Variants in KDM5A observed in about 807,000 individuals in gnomAD.
KDM5A encodes the protein lysine demethylase 5A, also known as lysine-specific demethylase 5A.
Under a neutral mutation model 193.5 loss-of-function variants are expected in KDM5A, and 42 were observed. The ratio of observed to expected loss-of-function variants is 0.22; its 90% CI spans 0.17 to 0.28. The LOEUF is 0.28. Ranked by LOEUF, KDM5A falls within the 10% of genes least tolerant of loss-of-function variation. KDM5A has a pLI of 1.00. For missense variants in KDM5A, 1,692 were observed against 2,055.1 expected (o/e 0.82, Z 3.42); for synonymous variants, 796 against 718.1 (o/e 1.11, Z -1.73).
intron 10 of KDM5A, among the ~76,000 whole-genome samples, chr12:338,331 T>A (rs7298019): frequency 0.21 from 32,191 of 152,182 alleles, 3,637 homozygotes; most frequent in South Asian, 0.3. Context: ...AGGGTGCCCA[T>A]GTCACTAGGC....
chr12:388,685 G>C (rs532945673), intron 1 of KDM5A, among the ~76,000 whole-genome samples: 1 of 152,178 alleles, frequency 6.6e-6, no homozygotes, highest in South Asian at 2.1e-4. Context: ...ACGGCTGAGA[G>C]AAAAGTATCA....
intron 27 of KDM5A, among the ~76,000 whole-genome samples, chr12:289,907 CTTTTTTTTTTT>C (rs750918968): frequency 9.0e-5 from 9 of 99,658 alleles, no homozygotes; most frequent in African/African-American, 3.8e-4. Flanking sequence ...TTCTTTCTTT[CTTTTTTTTTTT>C]TTTTTTTTTT....
intron 3 of KDM5A, among the ~76,000 whole-genome samples, chr12:371,441 C>T (rs1366958847): frequency 6.7e-6 from 1 of 149,872 alleles, no homozygotes; most frequent in African/African-American, 2.5e-5. Context: ...ATATCCTTTG[C>T]CCACTTTATG....
At chr12:301,723 C>A (rs955040415) in intron 24 of KDM5A, among the ~76,000 whole-genome samples, 3 of 152,176 alleles carry the variant, frequency 2.0e-5, no homozygotes, top group African/African-American at 7.2e-5. Flanking sequence ...CAAATAGGAA[C>A]AGAGGAAGTC....
intron 15 of KDM5A, 108 bp from the exon 16 acceptor site, chr12:323,314 A>G: frequency 7.6e-7 from 1 of 1,313,500 alleles, no homozygotes; most frequent in Non-Finnish European, 1.0e-6. Flanking sequence ...GCTTAAGGAA[A>G]ATACAATGGC....
rs1236895111 is a variant in KDM5A at position 284,094 on chromosome 12, A to T, written c.*1362T>A. The T allele has an allele frequency of 2.1e-5, 5 of 232,660 alleles. No homozygotes were observed. The highest frequency in any genetic ancestry group is 1.1e-4 in the African/African-American group (5 of 45,416). 14.4% of individuals were successfully genotyped at this position (232,660 alleles called of 1,614,324 possible). On this transcript the variant is annotated 3_prime_UTR_variant, in exon 28 of 28. Coordinates refer to ENST00000399788, the MANE Select transcript of KDM5A (RefSeq NM_001042603.3). ...CTGGTCAGGCTGGGATGGAGGAGGGAGTGCTAACTCCTTGTACTACAAAGA... is the reference window on the plus strand; with the variant it reads ...CTGGTCAGGCTGGGATGGAGGAGGGTGTGCTAACTCCTTGTACTACAAAGA...
intron 1 of KDM5A, chr12:387,276 T>C (rs1345284666): frequency 1.1e-5 from 4 of 372,124 alleles, no homozygotes; most frequent in South Asian, 2.0e-5. Flanking sequence ...CTGCCAAAAC[T>C]AAAATTAAAT....
intron 26 of KDM5A, among the ~76,000 whole-genome samples, chr12:293,621 A>T (rs1943329419): frequency 6.6e-6 from 1 of 152,014 alleles, no homozygotes; most frequent in Non-Finnish European, 1.5e-5. Flanking sequence ...TCTACTAAAA[A>T]TACAAAAATT....
chr12:310,513 A>T (rs1429673396), intron 21 of KDM5A, among the ~76,000 whole-genome samples: 1 of 152,172 alleles, frequency 6.6e-6, no homozygotes, highest in Non-Finnish European at 1.5e-5. Context: ...GCATGCCTGT[A>T]GTCCCAGACA....
chr12:284,621 C>T lies in KDM5A; in HGVS notation c.*835G>A. 4.3e-6 allele frequency: 1 copy of T among 230,946 alleles called. No homozygotes were observed. The highest frequency in any genetic ancestry group is 8.6e-6 in the Non-Finnish European group (1 of 116,342). The allele number at this position is 230,946 out of a possible 1,614,324, so 14.3% of individuals were successfully genotyped here. On this transcript the variant is annotated 3_prime_UTR_variant, in exon 28 of 28. Coordinates refer to ENST00000399788, the MANE Select transcript of KDM5A (RefSeq NM_001042603.3). ...TCAGTAAGATAGTACGACTGGTCAT[C>T]ATCGTCATCTTCTTCTCTTTTTTTT... is the stretch of plus-strand genomic sequence containing the variant.
intron 10 of KDM5A, among the ~76,000 whole-genome samples, chr12:346,424 T>C (rs868535358): frequency 2.5e-4 from 38 of 152,102 alleles, no homozygotes; most frequent in Admixed American, 6.6e-5. Context: ...GAGGCCAACA[T>C]CATCCTGATA....
rs537182787 is a variant in KDM5A at position 344,354 on chromosome 12, C to T, written c.1308+6267G>A. Among the ~76,000 whole-genome samples the T allele has an allele frequency of 1.1e-4, 16 of 152,278 alleles. No homozygotes were observed. In the South Asian group the frequency reaches 3.3e-3, roughly 32 times the overall value. ...TGGAAAACACTCTTCAGGATATTAT[C>T]CAGGAGAACTTCCCCAACCTAGCAA... On this transcript the variant is annotated intron_variant, in intron 10 of 27. Coordinates refer to ENST00000399788, the MANE Select transcript of KDM5A (RefSeq NM_001042603.3).
chr12:361,951 G>T (rs1207206397), intron 5 of KDM5A, among the ~76,000 whole-genome samples: 1 of 152,174 alleles, frequency 6.6e-6, no homozygotes, highest in African/African-American at 2.4e-5. Flanking sequence ...AAAGCAAGAT[G>T]AAGTATTAAT....
rs969929371 is a variant in KDM5A, at chr12:389,316, C to A, written c.-225G>T. 42 of 670,068 alleles carry A rather than the reference C, an allele frequency of 6.3e-5. No homozygotes were observed. Among genetic ancestry groups the A allele is most frequent in the Non-Finnish European group, 1.1e-4 (39 of 366,892 alleles). The allele number at this position is 670,068 out of a possible 1,614,324, so 41.5% of individuals were successfully genotyped here. A position where few individuals can be genotyped will look rare whatever the true frequency, so the allele number is the denominator to read the frequency against. ...CAGGACTTTTCCGGAAGTTACCGTG[C>A]TGTCAAATCCCTCCGCCCCCTGCAG... On this transcript the variant is annotated 5_prime_UTR_variant, in exon 1 of 28. Coordinates refer to ENST00000399788, the MANE Select transcript of KDM5A (RefSeq NM_001042603.3).
intron 5 of KDM5A, among the ~76,000 whole-genome samples, chr12:361,418 TCTC>T (rs1374040012): frequency 6.6e-6 from 1 of 152,074 alleles, no homozygotes; most frequent in African/African-American, 2.4e-5. Context: ...ATGGTCTTGA[TCTC>T]CTGAACTCGT....
intron 3 of KDM5A, among the ~76,000 whole-genome samples, chr12:370,603 AAC>A (rs1944413948): frequency 8.8e-6 from 1 of 113,892 alleles, no homozygotes; most frequent in South Asian, 3.0e-4. Flanking sequence ...AACAGCTGGG[AAC>A]AGAGACTTTT....
chr12:366,333 T>C (rs563164685), intron 3 of KDM5A, among the ~76,000 whole-genome samples: 12 of 152,092 alleles, frequency 7.9e-5, no homozygotes, highest in Non-Finnish European at 1.6e-4. Flanking sequence ...AAACCAAGCA[T>C]TCAAAAATAT....
chr12:297,329 C>G (rs1943386301), intron 24 of KDM5A, 129 bp from the exon 25 acceptor site: 1 of 800,620 alleles, frequency 1.2e-6, no homozygotes, highest in African/African-American at 1.7e-5. Context: ...AATTAAATAT[C>G]TGATGTTAAA....
At chr12:336,660 G>A (rs1432422888) in intron 10 of KDM5A, among the ~76,000 whole-genome samples, 5 of 151,964 alleles carry the variant, frequency 3.3e-5, no homozygotes, top group East Asian at 1.9e-4. Flanking sequence ...GGCCAACACC[G>A]TGAAATCCCA....
Sources: gnomAD v4.1 joint callset for allele counts (sites outside exome capture counted in the v4.1 genomes callset) on GRCh38, gnomAD v4.1.1 for gene constraint, MANE v1.5 for transcripts, NCBI Gene and HGNC (gene_info 2026-07-23, HGNC 2026-07-21) for gene names.